IRAK1BP1: variants seen among roughly 807,000 people sequenced by gnomAD.
IRAK1BP1 encodes interleukin 1 receptor associated kinase 1 binding protein 1, also known as interleukin-1 receptor-associated kinase 1-binding protein 1.
IRAK1BP1 carries 24 observed loss-of-function variants against 28.0 expected under a neutral mutation model. That is an observed-to-expected ratio of 0.86 (90% CI 0.62 to 1.20). The LOEUF is 1.20. IRAK1BP1 is among the 50% of genes most tolerant of loss of function. IRAK1BP1 has a pLI of 0.00. For synonymous variants in IRAK1BP1, 131 were observed against 116.3 expected (o/e 1.13, Z -0.81); for missense variants, 336 against 316.7 (o/e 1.06, Z -0.46).
At chr6:78,884,355 T>C (rs897771674) in intron 1 of IRAK1BP1, among the ~76,000 whole-genome samples, 5 of 152,160 alleles carry the variant, frequency 3.3e-5, no homozygotes, top group African/African-American at 1.2e-4. Flanking sequence ...ACATAAAATA[T>C]AAGTTTTGCT....
rs142599449 is a variant in IRAK1BP1 at position 78,918,962 on chromosome 6, G to T, written c.*67+15852G>T. On this transcript the variant is annotated intron_variant and NMD_transcript_variant, in intron 4 of 4. Transcript: ENST00000606868. ...GACCACATGCTTGGCCATAAAGCAA[G>T]TGTCAATAAATTCAGAAAAATCAAA... Among the ~76,000 whole-genome samples, 98 of 152,282 alleles carry T rather than the reference G, an allele frequency of 6.4e-4. 1 individual carries two copies. The South Asian group carries it at 8.1e-3, about 13-fold the overall frequency.
At chr6:78,869,040 A>G (rs1770697578) in intron 1 of IRAK1BP1, among the ~76,000 whole-genome samples, 1 of 152,242 alleles carries the variant, frequency 6.6e-6, no homozygotes, top group African/African-American at 2.4e-5. Flanking sequence ...TTTGGACAAG[A>G]TTTCTTCAAA....
the IRAK1BP1 span, among the ~76,000 whole-genome samples, chr6:78,974,369 T>C: frequency 1.3e-5 from 2 of 151,392 alleles, no homozygotes; most frequent in Non-Finnish European, 2.9e-5. Context: ...TGGGACGCAT[T>C]CAAAGCAGTG....
At chr6:78,972,235 G>T in the IRAK1BP1 span, among the ~76,000 whole-genome samples, 3 of 152,204 alleles carry the variant, frequency 2.0e-5, no homozygotes, top group Non-Finnish European at 4.4e-5. Context: ...CCCCTGAGCA[G>T]CCTAACTGGG....
Position 78,867,587 on chromosome 6 carries a change from A to C in IRAK1BP1, c.11A>C (p.Gln4Pro), listed in dbSNP as rs749762016. 4 of 1,613,726 alleles carry C rather than the reference A, an allele frequency of 2.5e-6. No individual in the cohort carries two copies. ...CCAGCTGCCATCGCTATGTCTCTGC[A>C]AAAGACCCCTCCGACCCGAGTGTTC... MSL[Q>P]KTPPTRVFVE... is the part of the protein sequence containing the mutation. The change falls in exon 1 of 4, where the codon CAA becomes CCA. Residue 4 changes from glutamine (Q) to proline (P), a missense_variant. Gln to Pro is a moderately conservative substitution (Grantham distance 76, BLOSUM62 -1). Transcript: ENST00000369940.
At chr6:78,932,864 T>C (rs9343853) in intron 4 of IRAK1BP1, among the ~76,000 whole-genome samples, 40,285 of 152,082 alleles carry the variant, frequency 0.26, 5,648 homozygotes, top group Non-Finnish European at 0.31. Flanking sequence ...GGTGACCAGG[T>C]TGTCAATGAG....
At chr6:78,956,842 T>C in the IRAK1BP1 span, 1 of 152,068 alleles carries the variant, frequency 6.6e-6, no homozygotes, top group Non-Finnish European at 1.5e-5. Flanking sequence ...ACAATTCTCT[T>C]ACTACTTGTC....
At chr6:78,956,894 C>A in the IRAK1BP1 span, 1 of 151,992 alleles carries the variant, frequency 6.6e-6, no homozygotes, top group African/African-American at 2.4e-5. Flanking sequence ...ATTTATCTAT[C>A]CTATGAAACT....
At chr6:78,953,327 T>C in the IRAK1BP1 span, among the ~76,000 whole-genome samples, 1 of 152,210 alleles carries the variant, frequency 6.6e-6, no homozygotes, top group African/African-American at 2.4e-5. Context: ...GACTCAATTA[T>C]CTCTGTATAG....
chr6:78,962,194 C>G, the IRAK1BP1 span, among the ~76,000 whole-genome samples: 10 of 152,088 alleles, frequency 6.6e-5, no homozygotes, highest in Admixed American at 6.6e-4. Context: ...CTTTGACTTT[C>G]TCAAACGTAT....
At chr6:78,946,339 C>T (rs944087484) in exon 5 of IRAK1BP1, 32 of 1,443,754 alleles carry the variant, frequency 2.2e-5, no homozygotes, top group Non-Finnish European at 2.9e-5. Context: ...TTTTTGGATT[C>T]AATATTTGTA....
chr6:78,903,938 T>C (rs113658674), downstream of IRAK1BP1, among the ~76,000 whole-genome samples: 2,165 of 152,298 alleles, frequency 0.014, 37 homozygotes, highest in Middle Eastern at 0.048. Context: ...TATCTTCCCC[T>C]TCACAAGACT....
At chr6:78,952,062 A>G in the IRAK1BP1 span, among the ~76,000 whole-genome samples, 1 of 152,086 alleles carries the variant, frequency 6.6e-6, no homozygotes, top group African/African-American at 2.4e-5. Flanking sequence ...TATTCTAGGT[A>G]AAGATTCTTT....
At chr6:78,974,347 T>C in the IRAK1BP1 span, among the ~76,000 whole-genome samples, 6 of 151,546 alleles carry the variant, frequency 4.0e-5, no homozygotes, top group Non-Finnish European at 7.4e-5. Flanking sequence ...AGACACAACA[T>C]ACCAGAATCT....
At chr6:78,932,902 T>A (rs889282263) in intron 4 of IRAK1BP1, among the ~76,000 whole-genome samples, 9 of 152,308 alleles carry the variant, frequency 5.9e-5, no homozygotes, top group Non-Finnish European at 1.0e-4. Flanking sequence ...GTATCTTTTT[T>A]ATTTTTTTAT....
At chr6:78,972,048 C>CCTCT in the IRAK1BP1 span, among the ~76,000 whole-genome samples, 1 of 152,114 alleles carries the variant, frequency 6.6e-6, no homozygotes, top group African/African-American at 2.4e-5. Context: ...GGCCTGCCTG[C>CCTCT]CTCTGTAGGC....
At chr6:78,972,382 C>A in the IRAK1BP1 span, among the ~76,000 whole-genome samples, 1 of 152,172 alleles carries the variant, frequency 6.6e-6, no homozygotes, top group East Asian at 1.9e-4. Flanking sequence ...ATCTGTACAT[C>A]ACCATCATCA....
At chr6:78,945,545 A>G (rs768501419) in exon 5 of IRAK1BP1, 1 of 1,174,562 alleles carries the variant, frequency 8.5e-7, no homozygotes, top group Non-Finnish European at 1.2e-6. Context: ...TTGAACCTAA[A>G]GATAAGAAAA....
At chr6:78,943,662 G>A (rs1367445939) in intron 4 of IRAK1BP1, among the ~76,000 whole-genome samples, 1 of 152,100 alleles carries the variant, frequency 6.6e-6, no homozygotes, top group Admixed American at 6.6e-5. Context: ...TACCACCAAA[G>A]GTAATGAACA....
Sources: gnomAD v4.1 joint callset for allele counts (sites outside exome capture counted in the v4.1 genomes callset) on GRCh38, gnomAD v4.1.1 for gene constraint, MANE v1.5 for transcripts, NCBI Gene and HGNC (gene_info 2026-07-23, HGNC 2026-07-21) for gene names.